VPS9D1: variants seen among roughly 807,000 people sequenced by gnomAD.
The protein encoded by VPS9D1 is VPS9 domain containing 1.
In VPS9D1, 78 loss-of-function variants were observed where a neutral mutation model predicts 75.8. The ratio of observed to expected loss-of-function variants is 1.03; its 90% confidence interval spans 0.86 to 1.24. The LOEUF (loss-of-function observed/expected upper bound fraction) is 1.24. VPS9D1 is among the 50% of genes most tolerant of loss of function. The pLI is 0.00. For missense variants in VPS9D1, 1,057 were observed against 847.7 expected (o/e 1.25, Z -3.07); for synonymous variants, 481 against 385.6 (o/e 1.25, Z -2.90).
intron 14 of VPS9D1, 127 bp downstream of exon 14, chr16:89,708,300 G>T: frequency 1.1e-6 from 1 of 935,542 alleles, no homozygotes; most frequent in Non-Finnish European, 1.6e-6. Flanking sequence ...GGGGCTGCCC[G>T]AAGGCATGGC....
intron 4 of VPS9D1, among the ~76,000 whole-genome samples, chr16:89,714,438 C>T (rs1181014058): frequency 2.6e-5 from 4 of 152,184 alleles, no homozygotes; most frequent in African/African-American, 9.7e-5. Flanking sequence ...TATACAGTTC[C>T]CAACAGCCAC....
At chr16:89,711,600 C>A (rs2060923362) in intron 8 of VPS9D1, 188 bp from the exon 9 acceptor site, 2 of 667,354 alleles carry the variant, frequency 3.0e-6, no homozygotes, top group Admixed American at 6.0e-5. Context: ...TAGGCGAACC[C>A]TGGGCCTGCA....
intron 8 of VPS9D1, 87 bp downstream of exon 8, chr16:89,711,795 C>A: frequency 7.3e-7 from 1 of 1,366,474 alleles, no homozygotes; most frequent in Non-Finnish European, 9.7e-7. Context: ...TCTGGCTCCG[C>A]CCCCCACGGG....
In VPS9D1 at chr16:89,710,939, G is replaced by C; in HGVS notation, c.905C>G (p.Ala302Gly). The C allele has an allele frequency of 6.8e-7, 1 of 1,480,202 alleles. No homozygotes were observed. The highest frequency in any genetic ancestry group is 8.9e-7 in the Non-Finnish European group (1 of 1,120,770). The allele number at this position is 1,480,202 out of a possible 1,614,324, so 91.7% of individuals were successfully genotyped here. A position where few individuals can be genotyped will look rare whatever the true frequency, so the allele number is the denominator to read the frequency against. Residue 302 changes from alanine (A) to glycine (G), a missense_variant, in exon 10 of 15, where the codon GCC becomes GGC. Transcript: ENST00000389386. ...GGCTGGCGCGGCTGCTCTGCTCACG[G>C]CGGGATACAGGGCGCTGTACACGGA... ...QCSVYSALYPAVSRAAAPAPG... is the reference protein window; with the variant it reads ...QCSVYSALYPGVSRAAAPAPG...
At chr16:89,711,640 G>A (rs1016919147) in intron 8 of VPS9D1, 3 of 657,222 alleles carry the variant, frequency 4.6e-6, no homozygotes, top group African/African-American at 1.9e-5. Context: ...TCCTCGCAGG[G>A]ACCCTCCCTC....
At chr16:89,709,752 G>C in intron 11 of VPS9D1, 25 bp downstream of exon 11, 1 of 1,613,262 alleles carries the variant, frequency 6.2e-7, no homozygotes, top group Non-Finnish European at 8.5e-7. Context: ...AGGCCACGCA[G>C]GTGGTTGTAC....
rs1285416376 is a variant in VPS9D1, at chr16:89,716,969, T to G, written c.176-147A>C. The G allele has an allele frequency of 2.4e-5, 8 of 330,696 alleles. No individual in the cohort carries two copies. The African/African-American group carries it at 3.9e-4, about 16-fold the overall frequency. 20.5% of individuals were successfully genotyped at this position (330,696 alleles called of 1,614,324 possible). A position where few individuals can be genotyped will look rare whatever the true frequency, so the allele number is the denominator to read the frequency against. ...CCCGGGCAAGCCCACTGCCCCCCCATCCCCTCACTGACCCTGGGCAAGCCC... is the reference window on the plus strand; with the variant it reads ...CCCGGGCAAGCCCACTGCCCCCCCAGCCCCTCACTGACCCTGGGCAAGCCC... On this transcript the variant is annotated intron_variant, in intron 2 of 14. Transcript: ENST00000389386.
intron 6 of VPS9D1, 129 bp from the exon 7 acceptor site, chr16:89,712,228 G>C (rs754452513): frequency 4.2e-6 from 6 of 1,413,728 alleles, no homozygotes; most frequent in Non-Finnish European, 5.8e-6. Flanking sequence ...CCCAGGTAAG[G>C]CTTCTGGGGC....
intron 9 of VPS9D1, 74 bp from the exon 10 acceptor site, chr16:89,711,084 C>A: frequency 7.2e-7 from 1 of 1,394,760 alleles, no homozygotes; most frequent in South Asian, 1.5e-5. Context: ...CGCGCTATGC[C>A]CGGTTTCAGA....
In VPS9D1 at chr16:89,712,700, C is replaced by G. The variant is rs777414862; in HGVS notation, c.448G>C (p.Glu150Gln). 1.2e-6 allele frequency: 2 copies of G among 1,607,206 alleles called. No individual in the cohort carries two copies. The highest frequency in any genetic ancestry group is 1.1e-5 in the South Asian group (1 of 90,338). Reference sequence around the variant, plus strand: ...TTCTGATTCTGCAGGGAGGCCTCCTCCAGTGGCGTCAGCTCTCTGGAAATG... The same window carrying G: ...TTCTGATTCTGCAGGGAGGCCTCCTGCAGTGGCGTCAGCTCTCTGGAAATG... ...QSCKKELTPL[E>Q]EASLQNQKLK... Residue 150 changes from glutamate (E) to glutamine (Q), a missense_variant, in exon 5 of 15, where the codon GAG (glutamate) becomes CAG (glutamine). By Grantham distance (29) the Glu-to-Gln change is conservative (BLOSUM62 2). Coordinates refer to ENST00000389386, the MANE Select transcript of VPS9D1 (RefSeq NM_004913.3).
chr16:89,718,811 T>C (rs903437025), intron 2 of VPS9D1, among the ~76,000 whole-genome samples: 55 of 151,862 alleles, frequency 3.6e-4, no homozygotes, highest in African/African-American at 1.3e-3. Flanking sequence ...GCTCCCGGGT[T>C]CAAGCAATTC....
At position 89,716,792 on chromosome 16, in the gene VPS9D1, G is replaced by T; in HGVS notation, c.206C>A (p.Ser69Tyr). 1 of 1,593,278 alleles carries T rather than the reference G, an allele frequency of 6.3e-7. No homozygotes were observed. Among genetic ancestry groups the T allele is most frequent in the Non-Finnish European group, 8.5e-7 (1 of 1,174,414 alleles). The change falls in exon 3 of 15, where the codon TCC becomes TAC. Residue 69 changes from serine (S) to tyrosine (Y), a missense_variant. Physicochemically the swap from Ser to Tyr is moderately radical, Grantham distance 144. Coordinates refer to ENST00000389386, the MANE Select transcript of VPS9D1 (RefSeq NM_004913.3). ...EAGETVPPDTSKMLKLAQQCL... is the reference protein window; with the variant it reads ...EAGETVPPDTYKMLKLAQQCL... ...CTGCTGTGCTAGCTTCAGCATCTTG[G>T]AGGTGTCGGGGGGCACAGTTTCCCC... is the stretch of plus-strand genomic sequence containing the variant.
At chr16:89,720,656 C>G in intron 1 of VPS9D1, 107 bp downstream of exon 1, 1 of 1,234,852 alleles carries the variant, frequency 8.1e-7, no homozygotes, top group Non-Finnish European at 1.0e-6. Flanking sequence ...GGCTGGCGCC[C>G]GCTCCCAAGT....
chr16:89,719,494 C>T (rs753954596), intron 1 of VPS9D1: 1 of 384,126 alleles, frequency 2.6e-6, no homozygotes, highest in Non-Finnish European at 5.2e-6. Flanking sequence ...TCTTGTGCAA[C>T]TCAAGGGTGA....
At chr16:89,717,798 C>G (rs189355544) in intron 2 of VPS9D1, 145 of 456,636 alleles carry the variant, frequency 3.2e-4, no homozygotes, top group Admixed American at 1.2e-3. Context: ...CTCACCGGCT[C>G]CCTAGGGAGC....
chr16:89,712,348 C>CT, intron 6 of VPS9D1, 112 bp downstream of exon 6: 1 of 1,508,302 alleles, frequency 6.6e-7, no homozygotes, highest in Admixed American at 1.9e-5. Context: ...CCCCTCGGCC[C>CT]TGTACCCCGA....
At chr16:89,713,911 C>CT (rs1433338432) in intron 4 of VPS9D1, among the ~76,000 whole-genome samples, 1 of 151,990 alleles carries the variant, frequency 6.6e-6, no homozygotes, top group Non-Finnish European at 1.5e-5. Flanking sequence ...GATAGAGACT[C>CT]TGTCTCAAAA....
chr16:89,717,775 G>T (rs1446985934), intron 2 of VPS9D1: 10 of 456,560 alleles, frequency 2.2e-5, no homozygotes, highest in Non-Finnish European at 3.5e-5. Flanking sequence ...TGGAGCGCCA[G>T]AGCTCAGCCG....
chr16:89,714,051 C>T (rs1052032842), intron 4 of VPS9D1, among the ~76,000 whole-genome samples: 1 of 152,120 alleles, frequency 6.6e-6, no homozygotes, highest in African/African-American at 2.4e-5. Flanking sequence ...ATTCTCCTGC[C>T]TCAGCCTCCC....
Sources: allele counts gnomAD v4.1 joint callset (sites outside exome capture counted in the v4.1 genomes callset), GRCh38; gene constraint gnomAD v4.1.1; transcripts MANE v1.5; gene names NCBI Gene and HGNC (gene_info 2026-07-23, HGNC 2026-07-21).